Variants in CIMIP4 observed in about 807,000 individuals in gnomAD.
CIMIP4 encodes the protein ciliary microtubule inner protein 4.
the CIMIP4 span, chr22:37,003,856 G>T: frequency 2.6e-6 from 3 of 1,154,418 alleles, no homozygotes; most frequent in Non-Finnish European, 3.5e-6. Context: ...GGGTCTGGAG[G>T]CCAACACAAG....
At chr22:37,004,512 G>A in the CIMIP4 span, among the ~76,000 whole-genome samples, 1,093 of 152,204 alleles carry the variant, frequency 7.2e-3, 15 homozygotes, top group African/African-American at 0.025. Flanking sequence ...CTGAATGGTC[G>A]TTCGTGCTCA....
chr22:36,997,012 T>C, the CIMIP4 span, among the ~76,000 whole-genome samples: 1 of 152,218 alleles, frequency 6.6e-6, no homozygotes, highest in African/African-American at 2.4e-5. Context: ...ATTTCTGGTG[T>C]TGTTGTTCCA....
the CIMIP4 span, among the ~76,000 whole-genome samples, chr22:36,992,013 CA>C: frequency 6.6e-6 from 1 of 152,140 alleles, no homozygotes; most frequent in African/African-American, 2.4e-5. Flanking sequence ...CAAAATCTCC[CA>C]AATTAGCAAA....
chr22:37,004,100 T>C, the CIMIP4 span: 1 of 1,388,164 alleles, frequency 7.2e-7, no homozygotes, highest in African/African-American at 1.4e-5. Flanking sequence ...AGCTGGGAGC[T>C]GAACAGGAAG....
the CIMIP4 span, among the ~76,000 whole-genome samples, chr22:37,005,300 A>G: frequency 6.6e-6 from 1 of 152,202 alleles, no homozygotes. Flanking sequence ...GACCCAGCCA[A>G]GTGAGCATCC....
the CIMIP4 span, among the ~76,000 whole-genome samples, chr22:36,994,792 G>A: frequency 4.6e-5 from 7 of 151,998 alleles, no homozygotes; most frequent in Admixed American, 1.3e-4. Context: ...CACCGCGCCC[G>A]GCTAATTTTT....
At chr22:37,001,126 C>T in the CIMIP4 span, among the ~76,000 whole-genome samples, 164 of 151,976 alleles carry the variant, frequency 1.1e-3, 1 homozygote, top group African/African-American at 3.8e-3. Flanking sequence ...TGACCAGAAA[C>T]GGTAGATGAA....
At chr22:37,001,902 T>C in the CIMIP4 span, 1 of 1,613,008 alleles carries the variant, frequency 6.2e-7, no homozygotes, top group Non-Finnish European at 8.5e-7. Context: ...TTGTTAGGAA[T>C]GATGCTGCCC....
At chr22:37,006,376 A>T in the CIMIP4 span, among the ~76,000 whole-genome samples, 1 of 152,246 alleles carries the variant, frequency 6.6e-6, no homozygotes, top group Non-Finnish European at 1.5e-5. Context: ...GTGTGGCTGG[A>T]TTTCAAAACC....
the CIMIP4 span, chr22:37,002,207 T>C: frequency 2.0e-5 from 29 of 1,476,588 alleles, no homozygotes; most frequent in Admixed American, 2.6e-5. Flanking sequence ...GTTCTTGAAC[T>C]TGGAGGTGTC....
chr22:36,998,747 C>A, the CIMIP4 span, among the ~76,000 whole-genome samples: 1 of 152,190 alleles, frequency 6.6e-6, no homozygotes, highest in South Asian at 2.1e-4. Flanking sequence ...CAGGACTACA[C>A]TGATCCAATG....
chr22:37,003,931 G>A, the CIMIP4 span: 198 of 1,534,154 alleles, frequency 1.3e-4, 1 homozygote, highest in Non-Finnish European at 1.7e-4. Flanking sequence ...AAGCCTGGAT[G>A]TGCATTCAGC....
At chr22:37,002,801 G>A in the CIMIP4 span, among the ~76,000 whole-genome samples, 3 of 152,212 alleles carry the variant, frequency 2.0e-5, no homozygotes, top group Non-Finnish European at 4.4e-5. Flanking sequence ...AAGTACTGGA[G>A]TTGGATGGGA....
chr22:37,002,299 T>C, the CIMIP4 span: 3 of 1,415,474 alleles, frequency 2.1e-6, no homozygotes, highest in Admixed American at 3.3e-5. Flanking sequence ...TGAAAGTGGT[T>C]GTACCTGAGC....
At chr22:36,994,804 G>A in the CIMIP4 span, among the ~76,000 whole-genome samples, 1 of 151,784 alleles carries the variant, frequency 6.6e-6, no homozygotes, top group Non-Finnish European at 1.5e-5. Context: ...CTAATTTTTT[G>A]TATTTTTAGT....
the CIMIP4 span, among the ~76,000 whole-genome samples, chr22:36,993,470 C>G: frequency 6.6e-6 from 1 of 151,622 alleles, no homozygotes; most frequent in East Asian, 1.9e-4. Context: ...AATAAGAAAG[C>G]TGATGTAAAT....
the CIMIP4 span, chr22:36,999,923 C>T: frequency 1.2e-6 from 2 of 1,614,018 alleles, no homozygotes; most frequent in East Asian, 2.2e-5. Context: ...ATTCTGGGTC[C>T]TGCTGGGCCA....
At chr22:37,006,341 C>A in the CIMIP4 span, among the ~76,000 whole-genome samples, 7,491 of 152,270 alleles carry the variant, frequency 0.049, 280 homozygotes, top group African/African-American at 0.11. Flanking sequence ...GGCCTTGAAA[C>A]CTAATCAAGG....
At chr22:36,993,685 C>T in the CIMIP4 span, among the ~76,000 whole-genome samples, 11 of 151,324 alleles carry the variant, frequency 7.3e-5, no homozygotes, top group Non-Finnish European at 1.3e-4. Context: ...GCTGAGAGCG[C>T]GCCACTGCAC....
Sources: allele counts gnomAD v4.1 joint callset (sites outside exome capture counted in the v4.1 genomes callset), GRCh38; gene constraint gnomAD v4.1.1; transcripts MANE v1.5; gene names NCBI Gene and HGNC (gene_info 2026-07-23, HGNC 2026-07-21).